The following METTL16 variants were observed in gnomAD, a reference collection of about 807,000 sequenced individuals.
METTL16 encodes the protein methyltransferase 16, RNA N6-adenosine, also known as RNA N(6)-adenosine-methyltransferase METTL16.
METTL16 carries 19 observed loss-of-function variants against 57.9 expected under a neutral mutation model. The ratio of observed to expected loss-of-function variants is 0.33; its 90% CI spans 0.23 to 0.48. The LOEUF (loss-of-function observed/expected upper bound fraction) is 0.48, where lower values mean the gene tolerates loss of function less well. METTL16 is among the 20% of genes least tolerant of loss of function. The probability of loss-of-function intolerance (pLI) is 0.99; values close to 1 mark genes in which losing one functional copy is unlikely to be tolerated. For missense variants in METTL16, 434 were observed against 691.5 expected, an observed-to-expected ratio of 0.63 and a Z score of 4.18; for synonymous variants, 246 against 255.6, an observed-to-expected ratio of 0.96 and a Z score of 0.36.
At chr17:2,444,823 C>T (rs534357140) in intron 6 of METTL16, among the ~76,000 whole-genome samples, 17 of 151,814 alleles carry the variant, frequency 1.1e-4, no homozygotes, top group Non-Finnish European at 2.2e-4. Flanking sequence ...AAGCAATTCC[C>T]CTGCCTCAGC....
intron 8 of METTL16, among the ~76,000 whole-genome samples, chr17:2,421,982 C>G (rs2066769829): frequency 6.6e-6 from 1 of 152,042 alleles, no homozygotes; most frequent in African/African-American, 2.4e-5. Flanking sequence ...TGAATTATAC[C>G]CTACCCACTA....
At chr17:2,507,557 C>T (rs1297129334) in intron 1 of METTL16, among the ~76,000 whole-genome samples, 1 of 151,662 alleles carries the variant, frequency 6.6e-6, no homozygotes, top group Admixed American at 6.6e-5. Context: ...TGAGGGGCGC[C>T]TCTGCCCGGC....
In METTL16 at chr17:2,416,840, A is replaced by C. The variant is rs2066720461; in HGVS notation, c.*3130T>G. 1 of 152,316 alleles carries C rather than the reference A, an allele frequency of 6.6e-6. No homozygotes were observed. The highest frequency in any genetic ancestry group is 2.1e-4 in the South Asian group (1 of 4,836). The allele number at this position is 152,316 out of a possible 1,614,324, so 9.4% of individuals were successfully genotyped here. A position where few individuals can be genotyped will look rare whatever the true frequency, so the allele number is the denominator to read the frequency against. On this transcript the variant is annotated 3_prime_UTR_variant, in exon 10 of 10. Coordinates refer to ENST00000263092, the MANE Select transcript of METTL16 (RefSeq NM_024086.4). Reference sequence around the variant, plus strand: ...AGTCAATAACCCATTTCTTCAAAGAAAAACTTGCCCACCTGTACCAGAGGT... The same window carrying C: ...AGTCAATAACCCATTTCTTCAAAGACAAACTTGCCCACCTGTACCAGAGGT...
intron 2 of METTL16, among the ~76,000 whole-genome samples, chr17:2,497,920 C>T (rs562246630): frequency 1.2e-4 from 18 of 151,816 alleles, no homozygotes; most frequent in African/African-American, 3.4e-4. Context: ...TTAGGCCCGG[C>T]GCGGTGGCTC....
chr17:2,492,187 G>T (rs956539053), intron 2 of METTL16, among the ~76,000 whole-genome samples: 1 of 152,122 alleles, frequency 6.6e-6, no homozygotes, highest in African/African-American at 2.4e-5. Context: ...CTCCAGCCTG[G>T]GCGACAGAGC....
chr17:2,430,235 C>G (rs961005238), intron 8 of METTL16, among the ~76,000 whole-genome samples: 2 of 151,952 alleles, frequency 1.3e-5, no homozygotes, highest in Non-Finnish European at 2.9e-5. Flanking sequence ...ATCTCAGCCT[C>G]CCAAGTAGCT....
chr17:2,466,157 C>T (rs889058388), intron 5 of METTL16, among the ~76,000 whole-genome samples: 20 of 147,300 alleles, frequency 1.4e-4, no homozygotes, highest in Non-Finnish European at 2.5e-4. Flanking sequence ...CACGCCACTA[C>T]ACTCCAGCCT....
At chr17:2,486,888 G>T (rs2067345828) in intron 2 of METTL16, among the ~76,000 whole-genome samples, 1 of 150,868 alleles carries the variant, frequency 6.6e-6, no homozygotes, top group African/African-American at 2.4e-5. Context: ...GGGGGAGTGG[G>T]AGTAGGGCGC....
intron 7 of METTL16, 52 bp from the exon 8 acceptor site, chr17:2,438,250 T>C (rs2066922489): frequency 2.3e-6 from 3 of 1,313,166 alleles, no homozygotes; most frequent in African/African-American, 2.9e-5. Flanking sequence ...TCTACCAATA[T>C]GTTTCTGGCT....
chr17:2,497,828 G>T (rs541657771), intron 2 of METTL16, among the ~76,000 whole-genome samples: 1 of 151,442 alleles, frequency 6.6e-6, no homozygotes, highest in African/African-American at 2.4e-5. Context: ...CTGGGCTCAA[G>T]CAGTCCTCCT....
chr17:2,505,419 T>A (rs1489542341), intron 1 of METTL16, among the ~76,000 whole-genome samples: 7 of 137,646 alleles, frequency 5.1e-5, no homozygotes. Flanking sequence ...TTTTTTTTTT[T>A]TTTTTTTTTT....
intron 4 of METTL16, among the ~76,000 whole-genome samples, chr17:2,471,054 C>T (rs973453724): frequency 6.6e-6 from 1 of 152,154 alleles, no homozygotes; most frequent in South Asian, 2.1e-4. Flanking sequence ...TTTTCAAGAA[C>T]TGATACTGGC....
Position 2,420,931 on chromosome 17 carries a change from G to C in METTL16, c.889-27C>G, listed in dbSNP as rs2066761044. 1.2e-6 allele frequency: 2 copies of C among 1,603,066 alleles called. No individual in the cohort carries two copies. The highest frequency in any genetic ancestry group is 1.7e-6 in the Non-Finnish European group (2 of 1,175,786). On this transcript the variant is annotated intron_variant, in intron 8 of 9. Transcript: ENST00000263092. The surrounding 1 kb of genome is among the most constrained non-coding windows in gnomAD (Gnocchi z 5.4). ...TGCAAGAAAAAGGAAGCATAGAAAA[G>C]AGAAGAAAGTTATCCGAATAATTAA... is the stretch of plus-strand genomic sequence containing the variant.
chr17:2,501,857 CA>C (rs71889986), intron 2 of METTL16, among the ~76,000 whole-genome samples: 20,796 of 100,224 alleles, frequency 0.21, 1,610 homozygotes, highest in East Asian at 0.41. Flanking sequence ...GACTTTGTCT[CA>C]AAAAAAAAAA....
chr17:2,449,084 C>T (rs1010080436), intron 6 of METTL16, among the ~76,000 whole-genome samples: 1 of 150,708 alleles, frequency 6.6e-6, no homozygotes, highest in African/African-American at 2.4e-5. Flanking sequence ...CTTATAGTAG[C>T]AATACCTAAC....
intron 8 of METTL16, among the ~76,000 whole-genome samples, chr17:2,431,012 C>T (rs1200396759): frequency 6.6e-6 from 1 of 151,986 alleles, no homozygotes; most frequent in Non-Finnish European, 1.5e-5. Flanking sequence ...GTGGTGTGAT[C>T]TCAGCTCACT....
At chr17:2,469,650 A>G (rs1460369015) in intron 4 of METTL16, among the ~76,000 whole-genome samples, 2 of 152,056 alleles carry the variant, frequency 1.3e-5, no homozygotes, top group Non-Finnish European at 2.9e-5. Context: ...TCAGCCTCCC[A>G]AGTAGCTGGG....
intron 6 of METTL16, among the ~76,000 whole-genome samples, chr17:2,447,412 G>C (rs1219631669): frequency 1.4e-5 from 2 of 139,240 alleles, no homozygotes; most frequent in Admixed American, 6.7e-5. Flanking sequence ...AGTGAGGAGC[G>C]TCTCCGCCCG....
At chr17:2,510,601 A>C (rs17221740) in intron 1 of METTL16, among the ~76,000 whole-genome samples, 19,333 of 152,200 alleles carry the variant, frequency 0.13, 1,703 homozygotes, top group East Asian at 0.35. Context: ...TAACCTCCCA[A>C]TATAGGCAAT....
Sources: allele counts gnomAD v4.1 joint callset (sites outside exome capture counted in the v4.1 genomes callset), GRCh38; gene constraint gnomAD v4.1.1; non-coding constraint Gnocchi (gnomAD v3.1); transcripts MANE v1.5; gene names NCBI Gene and HGNC (gene_info 2026-07-23, HGNC 2026-07-21).